LRGUK: variants seen among roughly 807,000 people sequenced by gnomAD.
The protein encoded by LRGUK is leucine rich repeats and guanylate kinase domain containing, also known as leucine-rich repeat and guanylate kinase domain-containing protein.
In LRGUK, 65 loss-of-function variants were observed where a neutral mutation model predicts 76.0. That is an observed-to-expected ratio of 0.85 (90% CI 0.70 to 1.05). LRGUK has a LOEUF of 1.05. Among genes scored for constraint, LRGUK ranks in the 50% least tolerant of loss-of-function variants. The pLI, the probability that LRGUK is intolerant of heterozygous loss-of-function variation, is 0.00. For synonymous variants in LRGUK, 268 were observed against 265.6 expected, an observed-to-expected ratio of 1.01 and a Z score of -0.09; for missense variants, 758 against 732.8, an observed-to-expected ratio of 1.03 and a Z score of -0.40.
At chr7:134,237,328 C>A (rs1007654633) in intron 16 of LRGUK, among the ~76,000 whole-genome samples, 1 of 152,162 alleles carries the variant, frequency 6.6e-6, no homozygotes, top group Non-Finnish European at 1.5e-5. Context: ...GCTGGGATTA[C>A]AGGGGTGAGC....
chr7:134,134,894 A>G (rs924984801), intron 1 of LRGUK, among the ~76,000 whole-genome samples: 5 of 152,220 alleles, frequency 3.3e-5, no homozygotes, highest in African/African-American at 1.2e-4. Flanking sequence ...TACGTTGCAC[A>G]TACTGTGCTG....
chr7:134,189,575 C>G (rs1236468605), intron 11 of LRGUK, among the ~76,000 whole-genome samples: 2 of 152,214 alleles, frequency 1.3e-5, no homozygotes, highest in Non-Finnish European at 2.9e-5. Flanking sequence ...CTTCAAATTG[C>G]TCCTTTGTTT....
intron 16 of LRGUK, among the ~76,000 whole-genome samples, chr7:134,222,617 T>G (rs1801629117): frequency 6.6e-6 from 1 of 151,098 alleles, no homozygotes; most frequent in African/African-American, 2.4e-5. Context: ...TTTGTTTTGT[T>G]TTTTTTTTTG....
At chr7:134,190,615 A>T (rs539518630) in intron 11 of LRGUK, among the ~76,000 whole-genome samples, 6 of 152,202 alleles carry the variant, frequency 3.9e-5, no homozygotes, top group Non-Finnish European at 8.8e-5. Context: ...GGTGGTTGGG[A>T]CCACCATATT....
intron 7 of LRGUK, among the ~76,000 whole-genome samples, chr7:134,167,786 C>T (rs1205815752): frequency 3.3e-5 from 5 of 152,218 alleles, no homozygotes; most frequent in Admixed American, 6.5e-5. Context: ...AATAAATTCA[C>T]TTCATTTCAT....
intron 15 of LRGUK, among the ~76,000 whole-genome samples, chr7:134,221,173 T>G (rs1801585251): frequency 6.6e-6 from 1 of 152,232 alleles, no homozygotes; most frequent in South Asian, 2.1e-4. Flanking sequence ...ATATCATTTA[T>G]TTTAGCATTT....
At chr7:134,198,023 T>C (rs750405801) in intron 13 of LRGUK, among the ~76,000 whole-genome samples, 1 of 152,218 alleles carries the variant, frequency 6.6e-6, no homozygotes, top group Non-Finnish European at 1.5e-5. Flanking sequence ...TCTTTCTTTT[T>C]TCCTTTGTGA....
chr7:134,250,244 G>T (rs1802410790), intron 18 of LRGUK, among the ~76,000 whole-genome samples: 1 of 151,794 alleles, frequency 6.6e-6, no homozygotes, highest in African/African-American at 2.4e-5. Flanking sequence ...TAAATTATTT[G>T]CACAGGGATA....
intron 15 of LRGUK, among the ~76,000 whole-genome samples, chr7:134,203,511 C>T (rs1279321391): frequency 6.6e-6 from 1 of 152,104 alleles, no homozygotes; most frequent in Non-Finnish European, 1.5e-5. Context: ...GGTTGAGGGC[C>T]CCTGGTATTT....
At chr7:134,162,890 G>T (rs1331658840) in intron 6 of LRGUK, among the ~76,000 whole-genome samples, 1 of 151,472 alleles carries the variant, frequency 6.6e-6, no homozygotes, top group African/African-American at 2.4e-5. Flanking sequence ...ATAACTGGGG[G>T]CATGGCTCAT....
chr7:134,140,596 C>T (rs1797727242), intron 3 of LRGUK, among the ~76,000 whole-genome samples: 2 of 152,106 alleles, frequency 1.3e-5, no homozygotes, highest in Admixed American at 6.6e-5. Context: ...CTGCTTTCTT[C>T]ACTGATAATC....
At chr7:134,181,441 G>A (rs149490948) in intron 10 of LRGUK, among the ~76,000 whole-genome samples, 151 of 150,936 alleles carry the variant, frequency 1.0e-3, no homozygotes, top group African/African-American at 3.5e-3. Context: ...TTAAAGCCAA[G>A]TAATTTTACT....
At chr7:134,224,780 T>A (rs1237954571) in intron 16 of LRGUK, among the ~76,000 whole-genome samples, 2 of 152,046 alleles carry the variant, frequency 1.3e-5, no homozygotes, top group Non-Finnish European at 2.9e-5. Flanking sequence ...TGGCTGGGCG[T>A]GGTGGCTCAT....
At chr7:134,229,044 G>A (rs1402343203) in intron 16 of LRGUK, among the ~76,000 whole-genome samples, 1 of 152,138 alleles carries the variant, frequency 6.6e-6, no homozygotes, top group East Asian at 1.9e-4. Flanking sequence ...AAATTTCTAT[G>A]TAATAGCAAC....
chr7:134,135,778 C>T lies in LRGUK; in HGVS notation c.298-1245C>T. ...TCACGCCATTCTCCTGCCTCAGCCT[C>T]CTGAGTAGCTGGGACTCCAGGCGCC... On this transcript the variant is annotated intron_variant, in intron 1 of 15. Coordinates refer to ENST00000645682, the Ensembl canonical transcript of LRGUK. Among the ~76,000 whole-genome samples the T allele has an allele frequency of 1.3e-5, 2 of 152,182 alleles. 1 individual carries two copies. Among genetic ancestry groups the T allele is most frequent in the Non-Finnish European group, 2.9e-5 (2 of 68,046 alleles).
At chr7:134,193,600 A>G (rs1423402068) in intron 12 of LRGUK, among the ~76,000 whole-genome samples, 1 of 152,186 alleles carries the variant, frequency 6.6e-6, no homozygotes, top group South Asian at 2.1e-4. Context: ...TTCTGATAAC[A>G]TATATATACA....
intron 16 of LRGUK, among the ~76,000 whole-genome samples, chr7:134,242,305 G>C (rs1302785557): frequency 6.6e-6 from 1 of 152,088 alleles, no homozygotes; most frequent in Non-Finnish European, 1.5e-5. Context: ...TAGACCGCTA[G>C]CAAGACTAAT....
intron 15 of LRGUK, 44 bp downstream of exon 15, chr7:134,201,620 T>G (rs753645335): frequency 1.3e-5 from 19 of 1,418,490 alleles, no homozygotes; most frequent in Non-Finnish European, 1.7e-5. Flanking sequence ...TTTTTTTTCA[T>G]GGAAAGGAAA....
chr7:134,193,579 A>G (rs1255424782), intron 12 of LRGUK, among the ~76,000 whole-genome samples: 1 of 152,100 alleles, frequency 6.6e-6, no homozygotes, highest in Non-Finnish European at 1.5e-5. Context: ...AGAAGTACTT[A>G]TTTTTACTGC....
Sources: allele counts gnomAD v4.1 joint callset (sites outside exome capture counted in the v4.1 genomes callset), GRCh38; gene constraint gnomAD v4.1.1; transcripts MANE v1.5; gene names NCBI Gene and HGNC (gene_info 2026-07-23, HGNC 2026-07-21).